Variants in ADRA1A observed in about 807,000 individuals in gnomAD.
ADRA1A encodes adrenoceptor alpha 1A, also known as alpha-1A adrenergic receptor.
A neutral mutation model predicts 29.6 loss-of-function variants in ADRA1A; 31 were observed. That is an observed-to-expected ratio of 1.05 (90% CI 0.79 to 1.41). ADRA1A has a LOEUF of 1.41. ADRA1A is among the 40% of genes most tolerant of loss of function. The probability of loss-of-function intolerance (pLI) is 0.00; values close to 1 mark genes in which losing one functional copy is unlikely to be tolerated. For missense variants in ADRA1A, 619 were observed against 601.1 expected, an observed-to-expected ratio of 1.03 and a Z score of -0.31; for synonymous variants, 311 against 254.3, an observed-to-expected ratio of 1.22 and a Z score of -2.12.
chr8:26,824,353 G>A (rs534559154), intron 2 of ADRA1A, among the ~76,000 whole-genome samples: 2 of 152,024 alleles, frequency 1.3e-5, no homozygotes, highest in Admixed American at 6.6e-5. Flanking sequence ...TAGAGTCTCC[G>A]TGTCAGCCCT....
rs1811811142 is a variant in ADRA1A at position 26,841,453 on chromosome 8, C to T, written c.883+22634G>A. Among the ~76,000 whole-genome samples, 1 of 152,196 alleles carries T rather than the reference C, an allele frequency of 6.6e-6. No homozygotes were observed. The highest frequency in any genetic ancestry group is 2.4e-5 in the African/African-American group (1 of 41,450). On this transcript the variant is annotated intron_variant, in intron 2 of 2. Transcript: ENST00000380573. This position sits in a 1 kb window ranked among gnomAD's most constrained non-coding sequence, Gnocchi z 4.4. ...GATATCCTTTGCATTCAAATCCTCT[C>T]AACCACTGCCTGCAGATTCCCCTCC...
In ADRA1A at chr8:26,823,251, T is replaced by A. The variant is rs1810310901; in HGVS notation, c.883+40836A>T. Among the ~76,000 whole-genome samples, 1 of 151,972 alleles carries A rather than the reference T, an allele frequency of 6.6e-6. No individual in the cohort carries two copies. The highest frequency in any genetic ancestry group is 1.5e-5 in the Non-Finnish European group (1 of 68,036). On this transcript the variant is annotated intron_variant, in intron 2 of 2. Coordinates refer to ENST00000380573, the MANE Select transcript of ADRA1A (RefSeq NM_000680.4). This position sits in a 1 kb window ranked among gnomAD's most constrained non-coding sequence, Gnocchi z 4.2. ...GCTCTTGTCTGTGACACATGCTTCT[T>A]TGGCCACATGGTATAGTGTCTGCCT...
intron 2 of ADRA1A, among the ~76,000 whole-genome samples, chr8:26,836,725 A>C (rs1213051337): frequency 6.6e-6 from 1 of 152,242 alleles, no homozygotes; most frequent in Non-Finnish European, 1.5e-5. Flanking sequence ...GTAGCGTCTT[A>C]TAGGCCAAGT....
intron 2 of ADRA1A, chr8:26,779,247 T>G: frequency 2.9e-6 from 2 of 700,128 alleles, no homozygotes; most frequent in Admixed American, 4.0e-5. Flanking sequence ...TGTATCTAGT[T>G]CCTTCTCCCT....
intron 2 of ADRA1A, among the ~76,000 whole-genome samples, chr8:26,790,898 T>C (rs899472597): frequency 6.6e-6 from 1 of 152,210 alleles, no homozygotes. Context: ...TACTGTGTCT[T>C]TTAAGATACA....
intron 2 of ADRA1A, among the ~76,000 whole-genome samples, chr8:26,757,522 C>CA (rs1007524754): frequency 1.3e-5 from 2 of 151,652 alleles, no homozygotes; most frequent in East Asian, 2.0e-4. Context: ...TCCCCCACCC[C>CA]CCACCTCTGC....
downstream of ADRA1A, among the ~76,000 whole-genome samples, chr8:26,752,144 A>G (rs61670721): frequency 0.12 from 18,702 of 152,100 alleles, 1,701 homozygotes; most frequent in African/African-American, 0.26. Context: ...AAACCCAGGC[A>G]GTTTGACTGG....
chr8:26,757,521 C>T (rs890070189), intron 2 of ADRA1A, among the ~76,000 whole-genome samples: 1 of 151,690 alleles, frequency 6.6e-6, no homozygotes, highest in African/African-American at 2.4e-5. Context: ...TTCCCCCACC[C>T]CCCACCTCTG....
At chr8:26,824,824 A>G (rs1047661296) in intron 2 of ADRA1A, among the ~76,000 whole-genome samples, 1 of 152,244 alleles carries the variant, frequency 6.6e-6, no homozygotes, top group South Asian at 2.1e-4. Flanking sequence ...AGTCACTTAA[A>G]CACTAATTGC....
At chr8:26,755,060 T>A (rs962421984), downstream of ADRA1A, among the ~76,000 whole-genome samples, 14 of 152,220 alleles carry the variant, frequency 9.2e-5, no homozygotes, top group African/African-American at 2.4e-4. Context: ...AATTTCTCAA[T>A]TAGTAGGAAC....
intron 2 of ADRA1A, among the ~76,000 whole-genome samples, chr8:26,832,672 G>A (rs150478309): frequency 1.3e-5 from 2 of 152,126 alleles, no homozygotes; most frequent in African/African-American, 2.4e-5. Flanking sequence ...AGATTGTCTA[G>A]GGCAGGGAAG....
At chr8:26,812,675 AT>A (rs1809477593) in intron 2 of ADRA1A, among the ~76,000 whole-genome samples, 1 of 149,608 alleles carries the variant, frequency 6.7e-6, no homozygotes, top group Non-Finnish European at 1.5e-5. Context: ...TATTATTATT[AT>A]TTTTTTGAGA....
chr8:26,831,534 G>A lies in ADRA1A; in HGVS notation c.883+32553C>T, dbSNP rs145132866. Among the ~76,000 whole-genome samples, 249 of 152,218 alleles carry A rather than the reference G, an allele frequency of 1.6e-3. No individual in the cohort carries two copies. The highest frequency in any genetic ancestry group is 2.7e-3 in the Non-Finnish European group (183 of 67,998). On this transcript the variant is annotated intron_variant, in intron 2 of 2. Transcript: ENST00000380573. The surrounding 1 kb of genome is among the most constrained non-coding windows in gnomAD (Gnocchi z 5.2). ...AGTTTGGAAAGGGTGTAGAGGTCAC[G>A]GAAGTGTCAGGTCACACCCAATGTC...
At position 26,770,421 on chromosome 8, in the gene ADRA1A, T is replaced by C; in HGVS notation, c.1129A>G (p.Ile377Val). The part of the protein sequence containing the change: ...VEGQHKDMVR[I>V]PVGSRETFYR... ...AAGGTCTCTCTTGATCCCACGGGGA[T>C]GCGCACCATGTCCTTGTGTTGCCCT... Residue 377 changes from isoleucine to valine, a missense_variant, in exon 3 of 3, where the codon ATC becomes GTC. Transcript: ENST00000380573. 1 of 1,614,246 alleles carries C rather than the reference T, an allele frequency of 6.2e-7. No homozygotes were observed. The highest frequency in any genetic ancestry group is 8.5e-7 in the Non-Finnish European group (1 of 1,180,032).
downstream of ADRA1A, chr8:26,766,065 C>G: frequency 1.2e-6 from 2 of 1,613,772 alleles, no homozygotes; most frequent in Non-Finnish European, 1.7e-6. Flanking sequence ...CATTCTGAAC[C>G]CTTTCTCCAC....
rs778755383 is a variant in ADRA1A, at chr8:26,770,276, C to T, written c.1274G>A (p.Arg425Lys). Residue 425 changes from arginine (R) to lysine (K), a missense_variant, in exon 3 of 3, where the codon AGA becomes AAA. Physicochemically the swap from Arg to Lys is conservative, Grantham distance 26 (BLOSUM62 2). Coordinates refer to ENST00000380573, the MANE Select transcript of ADRA1A (RefSeq NM_000680.4). ...GCAGACCTGCAAAAAGCTTTTACTT[C>T]TCACCCGGGCTGTGGTACAGGAGGA... is the stretch of plus-strand genomic sequence containing the variant. ...DQSSCTTARV[R>K]SKSFLQVCCC... The T allele has an allele frequency of 5.6e-6, 9 of 1,614,046 alleles. No homozygotes were observed. Among genetic ancestry groups the T allele is most frequent in the Non-Finnish European group, 7.6e-6 (9 of 1,180,016 alleles).
chr8:26,851,598 A>G (rs2130745514), intron 2 of ADRA1A, among the ~76,000 whole-genome samples: 1 of 152,304 alleles, frequency 6.6e-6, no homozygotes, highest in Middle Eastern at 3.4e-3. Flanking sequence ...TAAAATGGTG[A>G]ACAAATGTGA....
Position 26,770,257 on chromosome 8 carries a change from C to G in ADRA1A, c.1293G>C (p.Gln431His), listed in dbSNP as rs751790994. Residue 431 changes from glutamine to histidine, a missense_variant, in exon 3 of 3, where the codon CAG (glutamine) becomes CAC (histidine). Physicochemically the swap from Gln to His is conservative, Grantham distance 24 (BLOSUM62 0). Transcript: ENST00000380573. ...TARVRSKSFL[Q>H]VCCCVGPSTP... ...TTGAGGGCCCTACACAGCAGCAGAC[C>G]TGCAAAAAGCTTTTACTTCTCACCC... 3 of 1,614,024 alleles carry G rather than the reference C, an allele frequency of 1.9e-6. No individual in the cohort carries two copies. The highest frequency in any genetic ancestry group is 2.5e-6 in the Non-Finnish European group (3 of 1,179,908).
In ADRA1A at chr8:26,831,765, CTGCA is replaced by C. The variant is rs1810993084; in HGVS notation, c.883+32318_883+32321del. Among the ~76,000 whole-genome samples the C allele has an allele frequency of 6.6e-6, 1 of 152,356 alleles. No individual in the cohort carries two copies. Among genetic ancestry groups the C allele is most frequent in the Admixed American group, 6.5e-5 (1 of 15,304 alleles). On this transcript the variant is annotated intron_variant, in intron 2 of 2. Transcript: ENST00000380573. The surrounding 1 kb of genome is among the most constrained non-coding windows in gnomAD (Gnocchi z 5.2). ...CCTTTTGGGCCTTGGGGGGAACACG[CTGCA>C]TGCAGCTTCCTTTCCATCCTTGCAT... is the stretch of plus-strand genomic sequence containing the variant.
Sources: gnomAD v4.1 joint callset for allele counts (sites outside exome capture counted in the v4.1 genomes callset) on GRCh38, gnomAD v4.1.1 for gene constraint, Gnocchi (gnomAD v3.1) non-coding constraint, MANE v1.5 for transcripts, NCBI Gene and HGNC (gene_info 2026-07-23, HGNC 2026-07-21) for gene names.